Variants in ZNF384 observed in about 807,000 individuals in gnomAD.
ZNF384 encodes the protein zinc finger protein 384, also known as CAG repeat protein 1.
Under a neutral mutation model 65.0 loss-of-function variants are expected in ZNF384, and 20 were observed. The observed-to-expected ratio is 0.31, with a 90% CI of 0.22 to 0.45. The LOEUF (loss-of-function observed/expected upper bound fraction) is 0.45. ZNF384 is among the 20% of genes least tolerant of loss of function. The pLI, the probability that ZNF384 is intolerant of heterozygous loss-of-function variation, is 1.00. For synonymous variants in ZNF384, 310 were observed against 303.9 expected, an observed-to-expected ratio of 1.02 and a Z score of -0.21; for missense variants, 549 against 769.4, an observed-to-expected ratio of 0.71 and a Z score of 3.39.
chr12:6,680,647 CAAA>C (rs566727946), intron 2 of ZNF384, among the ~76,000 whole-genome samples: 1 of 103,298 alleles, frequency 9.7e-6, no homozygotes, highest in African/African-American at 3.6e-5. Context: ...AATTCCGTCT[CAAA>C]AAAAAAAAAA....
At chr12:6,686,704 A>G (rs879590112) in intron 2 of ZNF384, among the ~76,000 whole-genome samples, 9 of 152,354 alleles carry the variant, frequency 5.9e-5, no homozygotes, top group Admixed American at 5.9e-4. Context: ...GCATATGGTG[A>G]TGAGATAAAG....
At chr12:6,675,499 T>C (rs1191420817) in intron 7 of ZNF384, among the ~76,000 whole-genome samples, 2 of 152,228 alleles carry the variant, frequency 1.3e-5, no homozygotes, top group African/African-American at 4.8e-5. Context: ...AGGAGATCAT[T>C]AAAATATTTC....
At chr12:6,671,054 G>C (rs1951295648) in intron 9 of ZNF384, among the ~76,000 whole-genome samples, 1 of 152,180 alleles carries the variant, frequency 6.6e-6, no homozygotes. Flanking sequence ...GCTCCTCTCT[G>C]CTGGGGGAGG....
rs140358670 is a variant in ZNF384 at position 6,668,020 on chromosome 12, G to A, written c.1521C>T (p.Ala507=). ...GAGCCTGGGCTTGAGCTTGAGCCTG[G>A]GCCTGGGCCACTGCTGCCGCTGCTG... ...AAAAAAAVAQ[A]QAQAQAQAQA... is the part of the protein sequence containing the mutation. The change falls in exon 12 of 12, where the codon GCC becomes GCT. Residue 507 remains alanine (A), a synonymous_variant. Transcript: ENST00000683879. 7.4e-6 allele frequency: 12 copies of A among 1,612,976 alleles called. No individual in the cohort carries two copies. In the African/African-American group the frequency reaches 1.3e-4, roughly 18 times the overall value.
chr12:6,687,139 G>A lies in ZNF384; in HGVS notation c.-6+1028C>T, dbSNP rs76407728. Among the ~76,000 whole-genome samples, 539 of 152,260 alleles carry A rather than the reference G, an allele frequency of 3.5e-3. 2 individuals are homozygous for A. The highest frequency in any genetic ancestry group is 0.013 in the African/African-American group (525 of 41,550). On this transcript the variant is annotated intron_variant, in intron 2 of 11. Transcript: ENST00000683879. ...AAGGGCCATCCCAGTAGGATGTGAC[G>A]CTTTCCCGCCAGTATCCATAAACTC...
In ZNF384 at chr12:6,686,181, A is replaced by G. The variant is rs372896202; in HGVS notation, c.-6+1986T>C. ...AAGAAAACAGCATTCCCTTAACACAACCAACCCTTAGAAAACCATGAAATA... is the reference window on the plus strand; with the variant it reads ...AAGAAAACAGCATTCCCTTAACACAGCCAACCCTTAGAAAACCATGAAATA... On this transcript the variant is annotated intron_variant, in intron 2 of 11. Coordinates refer to ENST00000683879, the MANE Select transcript of ZNF384 (RefSeq NM_001385745.1). Among the ~76,000 whole-genome samples the G allele has an allele frequency of 7.2e-5, 11 of 152,306 alleles. No homozygotes were observed. The East Asian group carries it at 2.1e-3, about 29-fold the overall frequency.
intron 2 of ZNF384, among the ~76,000 whole-genome samples, chr12:6,680,075 C>A (rs1159207061): frequency 6.6e-6 from 1 of 152,240 alleles, no homozygotes; most frequent in Admixed American, 6.5e-5. Context: ...ATCTTCCAGG[C>A]TCAGCCTCCC....
At chr12:6,688,922 C>G (rs1047093422) in intron 1 of ZNF384, 176 bp downstream of exon 1, 2 of 152,908 alleles carry the variant, frequency 1.3e-5, no homozygotes, top group Non-Finnish European at 2.9e-5. Context: ...GGCACCCGCC[C>G]CCTAAACCCC....
Position 6,672,335 on chromosome 12 carries a change from G to T in ZNF384, c.1187+15C>A, listed in dbSNP as rs1438675673. ...GCCAGCGGGGCGGGGTCAGTAGCCC[G>T]CCACTCTCCCTTACCGTGTGTGCTG... On this transcript the variant is annotated intron_variant, in intron 9 of 11. Transcript: ENST00000683879. This position sits in a 1 kb window ranked among gnomAD's most constrained non-coding sequence, Gnocchi z 4.4. The T allele has an allele frequency of 6.2e-7, 1 of 1,609,046 alleles. No individual in the cohort carries two copies. The highest frequency in any genetic ancestry group is 1.3e-5 in the African/African-American group (1 of 74,862).
Position 6,672,122 on chromosome 12 carries a change from T to A in ZNF384, c.1187+228A>T. 1.9e-6 allele frequency: 1 copy of A among 525,594 alleles called. No homozygotes were observed. Among genetic ancestry groups the A allele is most frequent in the South Asian group, 2.3e-5 (1 of 42,626 alleles). The allele number at this position is 525,594 out of a possible 1,614,324, so 32.6% of individuals were successfully genotyped here. A position where few individuals can be genotyped will look rare whatever the true frequency, so the allele number is the denominator to read the frequency against. On this transcript the variant is annotated intron_variant, in intron 9 of 11. Transcript: ENST00000683879. The surrounding 1 kb of genome is among the most constrained non-coding windows in gnomAD (Gnocchi z 4.4). ...TCTGTCTCCCATGGATCAGTGAATA[T>A]CATATAGTCACTGCAGCTCCCCGAC...
chr12:6,672,638 C>T lies in ZNF384; in HGVS notation c.1005-106G>A, dbSNP rs1565427461. On this transcript the variant is annotated intron_variant, in intron 8 of 11. Coordinates refer to ENST00000683879, the MANE Select transcript of ZNF384 (RefSeq NM_001385745.1). The surrounding 1 kb of genome is among the most constrained non-coding windows in gnomAD (Gnocchi z 4.4). ...CGTTGCTTGACGGATGAGAGCACCC[C>T]CTTCCTCCCTCCTCCCAAAAACACT... is the stretch of plus-strand genomic sequence containing the variant. 7.2e-6 allele frequency: 8 copies of T among 1,108,152 alleles called. No individual in the cohort carries two copies. The South Asian group carries it at 1.1e-4, about 15-fold the overall frequency. 68.6% of individuals were successfully genotyped at this position (1,108,152 alleles called of 1,614,324 possible). A position where few individuals can be genotyped will look rare whatever the true frequency, so the allele number is the denominator to read the frequency against.
intron 10 of ZNF384, 80 bp downstream of exon 10, chr12:6,670,680 A>G (rs1470463571): frequency 1.4e-6 from 2 of 1,397,750 alleles, no homozygotes; most frequent in Non-Finnish European, 2.0e-6. Flanking sequence ...GGAGTCCTGA[A>G]AACATTTGAG....
intron 2 of ZNF384, among the ~76,000 whole-genome samples, chr12:6,687,879 C>T (rs980383211): frequency 6.6e-6 from 1 of 152,090 alleles, no homozygotes; most frequent in African/African-American, 2.4e-5. Context: ...CCTTTGGACA[C>T]AAGGCAACAC....
Position 6,673,128 on chromosome 12 carries a change from A to T in ZNF384, c.1004+88T>A, listed in dbSNP as rs1315000621. The T allele has an allele frequency of 8.2e-7, 1 of 1,226,486 alleles. No individual in the cohort carries two copies. Among genetic ancestry groups the T allele is most frequent in the African/African-American group, 1.5e-5 (1 of 66,428 alleles). 76.0% of individuals were successfully genotyped at this position (1,226,486 alleles called of 1,614,324 possible). A position where few individuals can be genotyped will look rare whatever the true frequency, so the allele number is the denominator to read the frequency against. ...AATGGGCAAAGGTGAAAGGGAAAGA[A>T]TAATACATGTGGAGAGAGGAGTAGG... On this transcript the variant is annotated intron_variant, in intron 8 of 11. Transcript: ENST00000683879. The surrounding 1 kb of genome is among the most constrained non-coding windows in gnomAD (Gnocchi z 4.7).
rs943381492 is a variant in ZNF384, at chr12:6,673,150, T to C, written c.1004+66A>G. On this transcript the variant is annotated intron_variant, in intron 8 of 11. Coordinates refer to ENST00000683879, the MANE Select transcript of ZNF384 (RefSeq NM_001385745.1). This position sits in a 1 kb window ranked among gnomAD's most constrained non-coding sequence, Gnocchi z 4.7. ...AGAATAATACATGTGGAGAGAGGAG[T>C]AGGTGCAGGCAACATGGTCTTAGGG... 1.6e-5 allele frequency: 22 copies of C among 1,399,292 alleles called. No individual in the cohort carries two copies. Among genetic ancestry groups the C allele is most frequent in the Non-Finnish European group, 2.0e-5 (20 of 1,002,820 alleles). The allele number at this position is 1,399,292 out of a possible 1,614,324, so 86.7% of individuals were successfully genotyped here.
chr12:6,672,375 G>A lies in ZNF384; in HGVS notation c.1162C>T (p.Leu388Phe), dbSNP rs370404731. 25 of 1,614,034 alleles carry A rather than the reference G, an allele frequency of 1.5e-5. No homozygotes were observed. Among genetic ancestry groups the A allele is most frequent in the Non-Finnish European group, 1.6e-5 (19 of 1,179,888 alleles). Residue 388 changes from leucine (L) to phenylalanine (F), a missense_variant, in exon 9 of 12, where the codon CTC (leucine) becomes TTC (phenylalanine). Leu to Phe is a conservative substitution (Grantham distance 22, BLOSUM62 0). This residue lies in a region of ZNF384 where 38 missense variants were observed against 99.7 expected (regional missense o/e 0.38). Transcript: ENST00000683879. This position sits in a 1 kb window ranked among gnomAD's most constrained non-coding sequence, Gnocchi z 4.4. ...CGTGTGTGCTGCTGGAGGTGGGAGA[G>A]CTGGCGGAAGGCCTTCTGGCAGTAG... ...CSYCQKAFRQ[L>F]SHLQQHTRIH...
At chr12:6,677,039 TTC>T (rs1953908627) in intron 7 of ZNF384, 126 bp downstream of exon 7, 1 of 326,644 alleles carries the variant, frequency 3.1e-6, no homozygotes, top group African/African-American at 2.2e-5. Flanking sequence ...TTTCTTAACT[TTC>T]TTTTGAAGTT....
intron 2 of ZNF384, among the ~76,000 whole-genome samples, chr12:6,680,279 G>C (rs1427932800): frequency 6.6e-6 from 1 of 152,006 alleles, no homozygotes; most frequent in East Asian, 1.9e-4. Flanking sequence ...AAAATTTCAA[G>C]AGTTCCAACC....
chr12:6,685,768 C>T (rs1457964585), intron 2 of ZNF384, among the ~76,000 whole-genome samples: 1 of 120,518 alleles, frequency 8.3e-6, no homozygotes, highest in African/African-American at 3.4e-5. Context: ...CAGAGCGAGA[C>T]TCAGTCTCAA....
Sources: allele counts gnomAD v4.1 joint callset (sites outside exome capture counted in the v4.1 genomes callset), GRCh38; gene constraint gnomAD v4.1.1; regional missense constraint gnomAD v4.1.1; non-coding constraint Gnocchi (gnomAD v3.1); transcripts MANE v1.5; gene names NCBI Gene and HGNC (gene_info 2026-07-23, HGNC 2026-07-21).